Variants in SNTG1 observed in about 807,000 individuals in gnomAD.
The protein encoded by SNTG1 is syntrophin gamma 1, also known as gamma-1-syntrophin.
SNTG1 carries 39 observed loss-of-function variants against 74.7 expected under a neutral mutation model. The ratio of observed to expected loss-of-function variants is 0.52; its 90% confidence interval spans 0.40 to 0.68. The LOEUF (loss-of-function observed/expected upper bound fraction) is 0.68. Among genes scored for constraint, SNTG1 ranks in the 30% least tolerant of loss-of-function variants. The pLI, the probability that SNTG1 is intolerant of heterozygous loss-of-function variation, is 0.00. For synonymous variants in SNTG1, 254 were observed against 217.1 expected, an observed-to-expected ratio of 1.17 and a Z score of -1.49; for missense variants, 685 against 609.5, an observed-to-expected ratio of 1.12 and a Z score of -1.30.
chr8:50,763,161 C>G (rs1015082052), intron 18 of SNTG1, among the ~76,000 whole-genome samples: 6 of 152,004 alleles, frequency 3.9e-5, no homozygotes, highest in Middle Eastern at 3.4e-3. Context: ...GACTGTCTGT[C>G]CTTCCAATTT....
chr8:50,569,609 A>C (rs2094535897), intron 12 of SNTG1, among the ~76,000 whole-genome samples: 1 of 152,204 alleles, frequency 6.6e-6, no homozygotes. Context: ...CTTGTAGGTG[A>C]ATTGAAAATC....
At chr8:49,958,920 C>T (rs952508405) in intron 1 of SNTG1, among the ~76,000 whole-genome samples, 2 of 152,160 alleles carry the variant, frequency 1.3e-5, no homozygotes, top group African/African-American at 4.8e-5. Context: ...AATGTAGCTT[C>T]AAACAAAGCC....
intron 1 of SNTG1, among the ~76,000 whole-genome samples, chr8:49,914,668 A>G (rs1452144075): frequency 6.6e-6 from 1 of 152,198 alleles, no homozygotes; most frequent in African/African-American, 2.4e-5. Flanking sequence ...CTTTGGAGTT[A>G]TTTACTTGGG....
At chr8:50,779,026 T>C (rs953500534) in intron 18 of SNTG1, among the ~76,000 whole-genome samples, 22 of 152,150 alleles carry the variant, frequency 1.4e-4, no homozygotes, top group African/African-American at 5.3e-4. Context: ...TATGCGGCGT[T>C]ATTTCTGAGG....
chr8:50,406,705 A>G (rs111440504), intron 4 of SNTG1, among the ~76,000 whole-genome samples: 1 of 152,252 alleles, frequency 6.6e-6, no homozygotes, highest in African/African-American at 2.4e-5. Flanking sequence ...GTTGTCTACT[A>G]TTCCTAGGTG....
intron 13 of SNTG1, among the ~76,000 whole-genome samples, chr8:50,623,798 G>C (rs189120024): frequency 6.4e-4 from 98 of 151,942 alleles, no homozygotes; most frequent in Admixed American, 1.8e-3. Context: ...TACAGAACTA[G>C]TAATCTTTTA....
In SNTG1 at chr8:50,402,211, C is replaced by A; in HGVS notation, c.29C>A (p.Thr10Lys). The A allele has an allele frequency of 1.3e-6, 2 of 1,586,348 alleles. No homozygotes were observed. Among genetic ancestry groups the A allele is most frequent in the Non-Finnish European group, 1.7e-6 (2 of 1,172,784 alleles). ...TTTGTTTTTTTTTTTAATCTGAAGA[C>A]AAAGACAGGAATTTGTTTGCTGCAG... Reference protein sequence around the residue: MDFRTACEETKTGICLLQDG... With the variant: MDFRTACEEKKTGICLLQDG... Residue 10 changes from threonine to lysine, a missense_variant and splice_region_variant, in exon 4 of 19, where the codon ACA (threonine) becomes AAA (lysine). Transcript: ENST00000642720.
intron 1 of SNTG1, among the ~76,000 whole-genome samples, chr8:50,064,462 A>C (rs895630970): frequency 6.6e-6 from 1 of 152,138 alleles, no homozygotes; most frequent in Non-Finnish European, 1.5e-5. Flanking sequence ...CTCCTAATGA[A>C]CTTTCCCGTT....
intron 8 of SNTG1, among the ~76,000 whole-genome samples, chr8:50,480,178 T>G (rs1204724600): frequency 6.6e-6 from 1 of 152,014 alleles, no homozygotes; most frequent in Non-Finnish European, 1.5e-5. Flanking sequence ...TAAGTCACTC[T>G]CCTCCCACCT....
rs535431367 is a variant in SNTG1 at position 50,247,226 on chromosome 8, A to G, written c.-28+74591A>G. Among the ~76,000 whole-genome samples, 3 of 152,290 alleles carry G rather than the reference A, an allele frequency of 2.0e-5. No homozygotes were observed. The South Asian group carries it at 6.2e-4, about 32-fold the overall frequency. On this transcript the variant is annotated intron_variant, in intron 2 of 18. Coordinates refer to ENST00000642720, the MANE Select transcript of SNTG1 (RefSeq NM_018967.5). ...CATGAACATTGTCTCATCCCTTCTT[A>G]TAATGAGTTATCCACTCACAAACTG... is the stretch of plus-strand genomic sequence containing the variant.
At chr8:50,265,906 A>G (rs1330841180) in intron 2 of SNTG1, among the ~76,000 whole-genome samples, 2 of 152,122 alleles carry the variant, frequency 1.3e-5, no homozygotes, top group Non-Finnish European at 2.9e-5. Flanking sequence ...ATATACAGTG[A>G]AAACTAGAAA....
chr8:50,219,541 G>T (rs2084956616), intron 2 of SNTG1, among the ~76,000 whole-genome samples: 1 of 152,140 alleles, frequency 6.6e-6, no homozygotes, highest in South Asian at 2.1e-4. Flanking sequence ...CATGGCTGGG[G>T]AGGCCTCAGG....
chr8:50,587,596 G>A (rs902458544), intron 12 of SNTG1, among the ~76,000 whole-genome samples: 3 of 152,088 alleles, frequency 2.0e-5, no homozygotes, highest in East Asian at 1.9e-4. Flanking sequence ...TGGCCGAGGC[G>A]GGCGGATCAC....
At chr8:50,775,853 TATTA>T (rs1246057142) in intron 18 of SNTG1, among the ~76,000 whole-genome samples, 3 of 151,610 alleles carry the variant, frequency 2.0e-5, no homozygotes, top group East Asian at 3.9e-4. Context: ...ATGCTTGTAT[TATTA>T]ATTAATCTGT....
chr8:50,734,806 TAGA>T (rs2095522482), intron 17 of SNTG1, among the ~76,000 whole-genome samples: 1 of 65,966 alleles, frequency 1.5e-5, no homozygotes, highest in African/African-American at 9.4e-5. Context: ...GACATATATA[TAGA>T]TATCTATATA....
intron 1 of SNTG1, among the ~76,000 whole-genome samples, chr8:50,077,356 G>C (rs1454956586): frequency 6.6e-6 from 1 of 152,036 alleles, no homozygotes; most frequent in East Asian, 1.9e-4. Flanking sequence ...TAATTTTCTA[G>C]TATTATTATA....
chr8:50,517,137 T>C (rs944132652), intron 9 of SNTG1, among the ~76,000 whole-genome samples: 6 of 152,298 alleles, frequency 3.9e-5, no homozygotes, highest in South Asian at 4.1e-4. Context: ...TGGGGGCTAA[T>C]ATTCAACATT....
At chr8:49,997,972 G>T (rs555479904) in intron 1 of SNTG1, among the ~76,000 whole-genome samples, 1 of 152,104 alleles carries the variant, frequency 6.6e-6, no homozygotes, top group Non-Finnish European at 1.5e-5. Flanking sequence ...TTTGTCATGT[G>T]AACATAATAG....
intron 1 of SNTG1, among the ~76,000 whole-genome samples, chr8:49,969,387 CTTTTTTTTTTT>C (rs575026898): frequency 2.1e-4 from 10 of 47,198 alleles, no homozygotes; most frequent in African/African-American, 5.0e-4. Context: ...TTCATTTAAT[CTTTTTTTTTTT>C]TTTTTTTTTT....
Sources: gnomAD v4.1 joint callset for allele counts (sites outside exome capture counted in the v4.1 genomes callset) on GRCh38, gnomAD v4.1.1 for gene constraint, MANE v1.5 for transcripts, NCBI Gene and HGNC (gene_info 2026-07-23, HGNC 2026-07-21) for gene names.